The following SKI variants were observed in gnomAD, a reference collection of about 807,000 sequenced individuals.
SKI encodes the protein SKI proto-oncogene, also known as ski oncogene.
SKI carries 23 observed loss-of-function variants against 59.3 expected under a neutral mutation model. The observed-to-expected ratio is 0.39, with a 90% CI of 0.28 to 0.55. The LOEUF is 0.55. Ranked by LOEUF, SKI falls within the 20% of genes least tolerant of loss-of-function variation. The probability of loss-of-function intolerance (pLI) is 0.67; values close to 1 mark genes in which losing one functional copy is unlikely to be tolerated. For missense variants in SKI, 1,017 were observed against 1,038.9 expected (o/e 0.98, Z 0.29); for synonymous variants, 673 against 488.6 (o/e 1.38, Z -4.98).
At chr1:2,254,829 C>G (rs1639239959) in intron 1 of SKI, among the ~76,000 whole-genome samples, 1 of 152,166 alleles carries the variant, frequency 6.6e-6, no homozygotes, top group Non-Finnish European at 1.5e-5. Context: ...CTGCTGCACA[C>G]CTATGGGGTC....
At chr1:2,272,176 A>T (rs902078351) in intron 1 of SKI, among the ~76,000 whole-genome samples, 1 of 152,214 alleles carries the variant, frequency 6.6e-6, no homozygotes, top group Non-Finnish European at 1.5e-5. Context: ...TGCCCTCTGC[A>T]CAGATGGGCG....
At chr1:2,286,121 C>G (rs1483046635) in intron 1 of SKI, among the ~76,000 whole-genome samples, 3 of 152,178 alleles carry the variant, frequency 2.0e-5, no homozygotes, top group African/African-American at 7.2e-5. Context: ...GTCCACCCAC[C>G]TTGGCCTCCC....
intron 1 of SKI, among the ~76,000 whole-genome samples, chr1:2,276,209 C>T (rs959687287): frequency 1.3e-5 from 2 of 151,734 alleles, no homozygotes; most frequent in African/African-American, 4.8e-5. Flanking sequence ...CCCCACCCCC[C>T]GACCCCCACT....
At chr1:2,244,727 G>A (rs545976243) in intron 1 of SKI, among the ~76,000 whole-genome samples, 90 of 152,190 alleles carry the variant, frequency 5.9e-4, no homozygotes, top group Non-Finnish European at 1.2e-3. Flanking sequence ...TGTAACTTGT[G>A]CATATTACAT....
chr1:2,278,822 C>T (rs1639803550), intron 1 of SKI, among the ~76,000 whole-genome samples: 1 of 152,174 alleles, frequency 6.6e-6, no homozygotes, highest in South Asian at 2.1e-4. Flanking sequence ...CGCACACGTG[C>T]ACACAGGCCG....
At position 2,269,268 on chromosome 1, in the gene SKI, A is replaced by T. The variant is rs926396400; in HGVS notation, c.970-33710A>T. On this transcript the variant is annotated intron_variant, in intron 1 of 6. Coordinates refer to ENST00000378536, the MANE Select transcript of SKI (RefSeq NM_003036.4). The surrounding 1 kb of genome is among the most constrained non-coding windows in gnomAD (Gnocchi z 4.7). ...GGCCCATGTTTGATTCTCGATGCAG[A>T]TCCAGCCCTGGGAAGAAAGCACCGC... Among the ~76,000 whole-genome samples the T allele has an allele frequency of 6.6e-6, 1 of 152,188 alleles. No individual in the cohort carries two copies. Among genetic ancestry groups the T allele is most frequent in the Non-Finnish European group, 1.5e-5 (1 of 68,034 alleles).
rs536759052 is a variant in SKI at position 2,263,991 on chromosome 1, C to T, written c.969+34256C>T. ...AGGAGTTCGAGAACAGCCTGGGCAA[C>T]ATAGGGAGACACTGTTTCTATTAAA... On this transcript the variant is annotated intron_variant, in intron 1 of 6. Transcript: ENST00000378536. Among the ~76,000 whole-genome samples the T allele has an allele frequency of 2.0e-5, 3 of 149,702 alleles. No individual in the cohort carries two copies. The East Asian group carries it at 6.0e-4, about 30-fold the overall frequency.
At chr1:2,297,347 G>T (rs540928251) in intron 1 of SKI, among the ~76,000 whole-genome samples, 1 of 152,208 alleles carries the variant, frequency 6.6e-6, no homozygotes, top group South Asian at 2.1e-4. Context: ...GAACCTCAGC[G>T]TAGCAGAGTG....
In SKI at chr1:2,309,008, G is replaced by A. The variant is rs554209744; in HGVS notation, c.*2243G>A. The stretch of plus-strand genomic sequence containing the variant: ...CCTTTCCTGCAGCTGCCAGGCCCGT[G>A]CGGTCAGTGGGACCCGGACGTGGGC... On this transcript the variant is annotated 3_prime_UTR_variant, in exon 7 of 7. Coordinates refer to ENST00000378536, the MANE Select transcript of SKI (RefSeq NM_003036.4). 1.2e-4 allele frequency: 19 copies of A among 152,350 alleles called. No individual in the cohort carries two copies. The highest frequency in any genetic ancestry group is 4.6e-4 in the African/African-American group (19 of 41,572). 9.4% of individuals were successfully genotyped at this position (152,350 alleles called of 1,614,324 possible).
intron 1 of SKI, among the ~76,000 whole-genome samples, chr1:2,291,326 G>A (rs1252933480): frequency 2.0e-5 from 3 of 152,212 alleles, no homozygotes; most frequent in Non-Finnish European, 2.9e-5. Flanking sequence ...CTTTGTGGTC[G>A]GCCCCAGTGT....
intron 1 of SKI, among the ~76,000 whole-genome samples, chr1:2,264,532 G>A (rs770817682): frequency 6.6e-6 from 1 of 152,110 alleles, no homozygotes; most frequent in Non-Finnish European, 1.5e-5. Context: ...GGTTTCCAAA[G>A]TGCTGGGATT....
intron 1 of SKI, among the ~76,000 whole-genome samples, chr1:2,232,328 C>T (rs1638656688): frequency 6.6e-6 from 1 of 152,146 alleles, no homozygotes; most frequent in Admixed American, 6.5e-5. Context: ...GTGTTTGTGG[C>T]CAGGCCAGGG....
chr1:2,237,263 A>G (rs1277289884), intron 1 of SKI, among the ~76,000 whole-genome samples: 1 of 152,196 alleles, frequency 6.6e-6, no homozygotes, highest in Non-Finnish European at 1.5e-5. Context: ...GCAGGTGTCC[A>G]GCGGTGCTGG....
intron 1 of SKI, among the ~76,000 whole-genome samples, chr1:2,258,058 T>C (rs188501348): frequency 1.1e-4 from 17 of 152,306 alleles, no homozygotes; most frequent in East Asian, 9.6e-4. Flanking sequence ...TTTAAGTAAA[T>C]GTTGACATTT....
chr1:2,301,592 T>C (rs1261788529), intron 1 of SKI, among the ~76,000 whole-genome samples: 1 of 152,192 alleles, frequency 6.6e-6, no homozygotes, highest in Non-Finnish European at 1.5e-5. Context: ...TTGGAGCACC[T>C]TGATGGACAG....
intron 1 of SKI, among the ~76,000 whole-genome samples, chr1:2,263,270 C>T (rs1294883260): frequency 6.4e-5 from 9 of 140,112 alleles, no homozygotes; most frequent in African/African-American, 2.4e-4. Flanking sequence ...CGGAGTCTTG[C>T]TCTGTCGCCC....
intron 1 of SKI, among the ~76,000 whole-genome samples, chr1:2,274,605 G>A (rs564260517): frequency 1.1e-4 from 16 of 152,350 alleles, no homozygotes; most frequent in South Asian, 2.1e-4. Context: ...ACCTGGCCAC[G>A]TCCCTCTAAC....
At position 2,304,068 on chromosome 1, in the gene SKI, G is replaced by A. The variant is rs185754530; in HGVS notation, c.1440G>A (p.Ser480=). The change falls in exon 4 of 7, where the codon TCG becomes TCA. Residue 480 remains serine, a synonymous_variant. Transcript: ENST00000378536. ...CTGCCCCAGAGGAGGACAAGGACTC[G>A]GAGGCGGAGGTGGAAGTTGAAAGCA... ...PVAAPEEDKD[S]EAEVEVESRE... 513 of 1,612,418 alleles carry A rather than the reference G, an allele frequency of 3.2e-4. 3 individuals are homozygous for A. In the East Asian group the frequency reaches 7.4e-3, roughly 23 times the overall value.
chr1:2,306,289 G>A (rs1640574946), intron 6 of SKI, 39 bp downstream of exon 6: 2 of 1,489,778 alleles, frequency 1.3e-6, no homozygotes, highest in Non-Finnish European at 1.8e-6. Context: ...AGCACGGTGG[G>A]CGTGGAGCCG....
Sources: gnomAD v4.1 joint callset for allele counts (sites outside exome capture counted in the v4.1 genomes callset) on GRCh38, gnomAD v4.1.1 for gene constraint, Gnocchi (gnomAD v3.1) non-coding constraint, MANE v1.5 for transcripts, NCBI Gene and HGNC (gene_info 2026-07-23, HGNC 2026-07-21) for gene names.